RBFOX1: variants seen among roughly 807,000 people sequenced by gnomAD.
The protein encoded by RBFOX1 is RNA binding protein fox-1 homolog 1.
In RBFOX1, 8 loss-of-function variants were observed where a neutral mutation model predicts 57.7. That is an observed-to-expected ratio of 0.14 (90% CI 0.08 to 0.25). The LOEUF is 0.25. Ranked by LOEUF, RBFOX1 falls within the 10% of genes least tolerant of loss-of-function variation. RBFOX1 has a pLI of 1.00. For missense variants in RBFOX1, 611 were observed against 548.5 expected, an observed-to-expected ratio of 1.11 and a Z score of -1.14; for synonymous variants, 326 against 222.4, an observed-to-expected ratio of 1.47 and a Z score of -4.15.
chr16:5,367,303 G>A (rs2065743952), intron 1 of RBFOX1, among the ~76,000 whole-genome samples: 2 of 152,158 alleles, frequency 1.3e-5, no homozygotes, highest in African/African-American at 2.4e-5. Context: ...GCGGTTGCTC[G>A]CTCTGCAACT....
At chr16:6,757,046 A>G (rs1273655528) in intron 3 of RBFOX1, among the ~76,000 whole-genome samples, 10 of 152,128 alleles carry the variant, frequency 6.6e-5, no homozygotes. Context: ...GTATAAAAAA[A>G]ATGCTTATTA....
intron 4 of RBFOX1, among the ~76,000 whole-genome samples, chr16:7,184,279 G>A (rs1358448351): frequency 1.3e-5 from 2 of 152,152 alleles, no homozygotes; most frequent in Non-Finnish European, 2.9e-5. Context: ...TAGGACAATA[G>A]GAAGCTGTGG....
intron 2 of RBFOX1, among the ~76,000 whole-genome samples, chr16:6,424,372 A>G (rs1454657223): frequency 6.6e-6 from 1 of 152,182 alleles, no homozygotes; most frequent in Non-Finnish European, 1.5e-5. Context: ...GTCTCATTCC[A>G]CTGGGTGCTT....
intron 2 of RBFOX1, among the ~76,000 whole-genome samples, chr16:6,331,872 G>T (rs1372288996): frequency 6.6e-6 from 1 of 151,982 alleles, no homozygotes; most frequent in Non-Finnish European, 1.5e-5. Context: ...GCTGGTTCCT[G>T]AGTTTGCCTT....
At chr16:5,422,379 A>AGAG (rs138907592) in intron 1 of RBFOX1, among the ~76,000 whole-genome samples, 55,418 of 106,068 alleles carry the variant, frequency 0.52, 15,140 homozygotes, top group East Asian at 0.63. Flanking sequence ...GGAGCAGAGA[A>AGAG]GAGAAATGAG....
At chr16:5,882,653 G>A (rs2057791019) in intron 4 of RBFOX1, among the ~76,000 whole-genome samples, 1 of 152,162 alleles carries the variant, frequency 6.6e-6, no homozygotes. Flanking sequence ...CAGTAGCCAA[G>A]CTCACGCCCT....
chr16:7,415,952 A>G (rs537401650), intron 4 of RBFOX1, among the ~76,000 whole-genome samples: 64 of 152,252 alleles, frequency 4.2e-4, no homozygotes, highest in Middle Eastern at 3.4e-3. Flanking sequence ...AGGAGAAAAA[A>G]AAATCAAGTG....
intron 1 of RBFOX1, among the ~76,000 whole-genome samples, chr16:5,389,127 C>G (rs2066334884): frequency 6.6e-6 from 1 of 151,720 alleles, no homozygotes; most frequent in African/African-American, 2.4e-5. Flanking sequence ...GGAGGCGGAG[C>G]TTGCAGTGAG....
rs534945873 is a variant in RBFOX1 at position 5,783,955 on chromosome 16, A to G, written c.319-83348A>G. Among the ~76,000 whole-genome samples, 5 of 152,332 alleles carry G rather than the reference A, an allele frequency of 3.3e-5. No homozygotes were observed. The East Asian group carries it at 9.6e-4, about 29-fold the overall frequency. On this transcript the variant is annotated intron_variant, in intron 3 of 19. Transcript: ENST00000641259. ...CCCCAAGGTTTTGGTATTAGGAGGT[A>G]AGTATATTCATCCATTCTTACCTTG...
At position 6,857,493 on chromosome 16, in the gene RBFOX1, C is replaced by T. The variant is rs75005193; in HGVS notation, c.-15-194564C>T. Among the ~76,000 whole-genome samples the T allele has an allele frequency of 5.3e-5, 8 of 152,296 alleles. No individual in the cohort carries two copies. In the East Asian group the frequency reaches 1.5e-3, roughly 29 times the overall value. ...TTTCACAAGGGTCTGACTCATTGGG[C>T]ATAACCAGCACAGTTAAATTTCAAA... On this transcript the variant is annotated intron_variant, in intron 3 of 15. Coordinates refer to ENST00000550418, the MANE Select transcript of RBFOX1 (RefSeq NM_018723.4).
intron 3 of RBFOX1, among the ~76,000 whole-genome samples, chr16:6,899,838 A>C (rs1327127344): frequency 6.6e-6 from 1 of 152,232 alleles, no homozygotes; most frequent in Admixed American, 6.5e-5. Flanking sequence ...AGGCAGGAGC[A>C]TTTCGTTAGT....
At chr16:7,261,469 G>A (rs913806692) in intron 4 of RBFOX1, among the ~76,000 whole-genome samples, 1 of 152,134 alleles carries the variant, frequency 6.6e-6, no homozygotes, top group Non-Finnish European at 1.5e-5. Flanking sequence ...GTAAGTGAGT[G>A]TATGAGTCCC....
intron 3 of RBFOX1, among the ~76,000 whole-genome samples, chr16:5,706,027 C>A (rs1259590344): frequency 6.6e-6 from 1 of 152,202 alleles, no homozygotes; most frequent in Non-Finnish European, 1.5e-5. Flanking sequence ...TCTCTTGCGT[C>A]TGCCTCCTGA....
At chr16:5,851,884 G>A (rs1285537681) in intron 3 of RBFOX1, among the ~76,000 whole-genome samples, 1 of 152,088 alleles carries the variant, frequency 6.6e-6, no homozygotes, top group Non-Finnish European at 1.5e-5. Flanking sequence ...GGTGTAGAGA[G>A]TTTCTGAACC....
intron 4 of RBFOX1, among the ~76,000 whole-genome samples, chr16:7,392,430 G>C (rs1271342085): frequency 1.3e-5 from 2 of 152,156 alleles, no homozygotes; most frequent in Admixed American, 1.3e-4. Context: ...CTGGCTCCTA[G>C]TAGGTACTCC....
chr16:7,246,241 C>G (rs904883826), intron 4 of RBFOX1, among the ~76,000 whole-genome samples: 7 of 152,122 alleles, frequency 4.6e-5, no homozygotes, highest in South Asian at 2.1e-4. Context: ...AATCCTTAGC[C>G]TCTCCACAGC....
chr16:5,632,990 A>G (rs1039995194), intron 3 of RBFOX1, among the ~76,000 whole-genome samples: 2 of 142,418 alleles, frequency 1.4e-5, no homozygotes, highest in Non-Finnish European at 3.0e-5. Context: ...CTGGGCTGGA[A>G]TGCAGTGTTA....
At chr16:5,722,469 A>G (rs1354874533) in intron 3 of RBFOX1, among the ~76,000 whole-genome samples, 6 of 152,224 alleles carry the variant, frequency 3.9e-5, no homozygotes, top group Non-Finnish European at 8.8e-5. Context: ...TCCAGATACA[A>G]TTAGACTCAG....
At chr16:5,364,096 C>T (rs906634102) in intron 1 of RBFOX1, among the ~76,000 whole-genome samples, 11 of 152,166 alleles carry the variant, frequency 7.2e-5, no homozygotes, top group Non-Finnish European at 1.5e-4. Flanking sequence ...CAGCCAGGTC[C>T]CCTTAATTAG....
Sources: gnomAD v4.1 joint callset for allele counts (sites outside exome capture counted in the v4.1 genomes callset) on GRCh38, gnomAD v4.1.1 for gene constraint, MANE v1.5 for transcripts, NCBI Gene and HGNC (gene_info 2026-07-23, HGNC 2026-07-21) for gene names.